JAKMIP1: variants seen among roughly 807,000 people sequenced by gnomAD.
JAKMIP1 encodes janus kinase and microtubule interacting protein 1, also known as janus kinase and microtubule-interacting protein 1.
Under a neutral mutation model 113.0 loss-of-function variants are expected in JAKMIP1, and 33 were observed. The ratio of observed to expected loss-of-function variants is 0.29; its 90% confidence interval spans 0.22 to 0.39. JAKMIP1 has a LOEUF of 0.39. Among genes scored for constraint, JAKMIP1 ranks in the 10% least tolerant of loss-of-function variants. JAKMIP1 has a pLI of 1.00. For missense variants in JAKMIP1, 813 were observed against 1,080.5 expected (o/e 0.75, Z 3.47); for synonymous variants, 480 against 459.9 (o/e 1.04, Z -0.56).
rs895363120 is a variant in JAKMIP1 at position 6,049,345 on chromosome 4, C to T, written c.1963-423G>A. Among the ~76,000 whole-genome samples the T allele has an allele frequency of 1.3e-5, 2 of 152,196 alleles. No individual in the cohort carries two copies. Among genetic ancestry groups the T allele is most frequent in the East Asian group, 1.9e-4 (1 of 5,200 alleles). Reference sequence around the variant, plus strand: ...GCCACCATGCCCCGCCAACACCAAGCGACTTTCCTAGCTTCTCTCTGAGCT... The same window carrying T: ...GCCACCATGCCCCGCCAACACCAAGTGACTTTCCTAGCTTCTCTCTGAGCT... On this transcript the variant is annotated intron_variant, in intron 15 of 20. Transcript: ENST00000409021. The surrounding 1 kb of genome is among the most constrained non-coding windows in gnomAD (Gnocchi z 7.0).
At chr4:6,144,268 G>GA (rs1179318720) in intron 1 of JAKMIP1, among the ~76,000 whole-genome samples, 1 of 152,176 alleles carries the variant, frequency 6.6e-6, no homozygotes, top group East Asian at 1.9e-4. Context: ...TAGATACGTA[G>GA]AAAAGCACAG....
At chr4:6,060,995 G>T (rs1257250460) in intron 10 of JAKMIP1, among the ~76,000 whole-genome samples, 1 of 152,210 alleles carries the variant, frequency 6.6e-6, no homozygotes, top group African/African-American at 2.4e-5. Flanking sequence ...CACCAAGAAA[G>T]TCATATAAAT....
chr4:6,057,499 A>G (rs6814350), intron 11 of JAKMIP1, among the ~76,000 whole-genome samples: 35,875 of 152,090 alleles, frequency 0.24, 6,819 homozygotes, highest in African/African-American at 0.53. Context: ...CATGGAATGC[A>G]CAGAAGAGGC....
intron 1 of JAKMIP1, among the ~76,000 whole-genome samples, chr4:6,163,815 C>A (rs1295842144): frequency 6.6e-6 from 1 of 152,150 alleles, no homozygotes; most frequent in Non-Finnish European, 1.5e-5. Flanking sequence ...TTGGAGTGGT[C>A]AGGGTAGAAG....
chr4:6,096,325 G>C (rs1711761732), intron 3 of JAKMIP1, among the ~76,000 whole-genome samples: 3 of 152,194 alleles, frequency 2.0e-5, no homozygotes. Flanking sequence ...TTTGTGAACT[G>C]TGTGTTCCCA....
intron 1 of JAKMIP1, among the ~76,000 whole-genome samples, chr4:6,169,988 CCACCACCACCACCACCACCACCCT>C (rs1248804960): frequency 2.2e-5 from 2 of 90,470 alleles, no homozygotes; most frequent in African/African-American, 4.9e-5. Flanking sequence ...ACTACCACCA[CCACCACCACCACCACCACCACCCT>C]CACCACCACC....
rs373173971 is a variant in JAKMIP1 at position 6,167,153 on chromosome 4, C to T, written c.-148+33100G>A. On this transcript the variant is annotated intron_variant, in intron 1 of 20. Coordinates refer to ENST00000409021, the MANE Select transcript of JAKMIP1 (RefSeq NM_001099433.2). This position sits in a 1 kb window ranked among gnomAD's most constrained non-coding sequence, Gnocchi z 5.3. The stretch of plus-strand genomic sequence containing the variant: ...TCGTCTTCCCCTAGACCTGCTCCTC[C>T]TTCCAGGGCCCTGCCTCCGCAAAGA... Among the ~76,000 whole-genome samples the T allele has an allele frequency of 4.6e-5, 7 of 152,172 alleles. No individual in the cohort carries two copies. The highest frequency in any genetic ancestry group is 1.7e-4 in the African/African-American group (7 of 41,438).
At chr4:6,032,667 CAAAACAAA>C (rs1253305472) in intron 19 of JAKMIP1, among the ~76,000 whole-genome samples, 2,840 of 49,734 alleles carry the variant, frequency 0.057, 33 homozygotes, top group Non-Finnish European at 0.089. Flanking sequence ...CAACACAAAA[CAAAACAAA>C]ACAAAACAAA....
At chr4:6,121,388 G>A (rs956738372) in intron 1 of JAKMIP1, among the ~76,000 whole-genome samples, 12 of 152,152 alleles carry the variant, frequency 7.9e-5, no homozygotes, top group African/African-American at 2.9e-4. Context: ...CCGGAACAAC[G>A]TGACTGTTTG....
At chr4:6,146,660 G>C (rs1228407922) in intron 1 of JAKMIP1, among the ~76,000 whole-genome samples, 1 of 152,192 alleles carries the variant, frequency 6.6e-6, no homozygotes, top group Non-Finnish European at 1.5e-5. Flanking sequence ...AACACTACTG[G>C]ACTGTACACT....
intron 4 of JAKMIP1, 150 bp from the exon 5 acceptor site, chr4:6,085,115 C>A: frequency 9.9e-7 from 1 of 1,012,818 alleles, no homozygotes; most frequent in Non-Finnish European, 1.4e-6. Flanking sequence ...GGGGAACACC[C>A]AAGCCCACTG....
At chr4:6,191,682 C>T (rs1285062269) in intron 1 of JAKMIP1, among the ~76,000 whole-genome samples, 1 of 152,198 alleles carries the variant, frequency 6.6e-6, no homozygotes, top group Non-Finnish European at 1.5e-5. Context: ...CCCTCTGGAG[C>T]TTACAGCTAC....
intron 1 of JAKMIP1, among the ~76,000 whole-genome samples, chr4:6,161,535 A>G (rs770977174): frequency 8.2e-5 from 12 of 146,932 alleles, no homozygotes; most frequent in Non-Finnish European, 1.4e-4. Context: ...CCAAAGAAGA[A>G]AGAAGGCAAA....
intron 3 of JAKMIP1, among the ~76,000 whole-genome samples, chr4:6,103,224 T>G (rs1168273044): frequency 6.6e-6 from 1 of 152,168 alleles, no homozygotes; most frequent in Non-Finnish European, 1.5e-5. Flanking sequence ...ATCATGAAGT[T>G]GAATTTTACC....
At chr4:6,066,321 C>T (rs1426041812) in intron 8 of JAKMIP1, among the ~76,000 whole-genome samples, 2 of 152,172 alleles carry the variant, frequency 1.3e-5, no homozygotes, top group African/African-American at 2.4e-5. Context: ...TGCAGGGACA[C>T]CCTTGTCACC....
chr4:6,102,438 C>T (rs1464103046), intron 3 of JAKMIP1, among the ~76,000 whole-genome samples: 1 of 152,114 alleles, frequency 6.6e-6, no homozygotes, highest in Non-Finnish European at 1.5e-5. Context: ...ATATGAGCTG[C>T]CTGCCTCTCT....
In JAKMIP1 at chr4:6,080,911, A is replaced by T. The variant is rs961589406; in HGVS notation, c.1102-599T>A. On this transcript the variant is annotated intron_variant, in intron 6 of 20. Coordinates refer to ENST00000409021, the MANE Select transcript of JAKMIP1 (RefSeq NM_001099433.2). This position sits in a 1 kb window ranked among gnomAD's most constrained non-coding sequence, Gnocchi z 6.0. ...GATGCGCAGGGCCTGGGGGTGGAAG[A>T]CGACATTTGAAATGAGCCTAGAAAC... 2.0e-5 allele frequency among the ~76,000 whole-genome samples: 3 copies of T among 151,600 alleles called. No homozygotes were observed. The highest frequency in any genetic ancestry group is 7.3e-5 in the African/African-American group (3 of 41,240).
intron 3 of JAKMIP1, among the ~76,000 whole-genome samples, chr4:6,095,092 G>T (rs372969449): frequency 2.2e-5 from 3 of 136,412 alleles, no homozygotes; most frequent in Admixed American, 7.5e-5. Flanking sequence ...GTGGGGGAGG[G>T]AGGAAGGGGA....
chr4:6,153,433 GT>G lies in JAKMIP1; in HGVS notation c.-147-40437del, dbSNP rs1315159064. 6.6e-6 allele frequency among the ~76,000 whole-genome samples: 1 copy of G among 152,224 alleles called. No homozygotes were observed. The highest frequency in any genetic ancestry group is 1.5e-5 in the Non-Finnish European group (1 of 68,036). ...GGCCCTCTCTAGGCTTCAATTTCAT[GT>G]TTTGAAAAATGAGCACTGGAGCCAA... On this transcript the variant is annotated intron_variant, in intron 1 of 20. Coordinates refer to ENST00000409021, the MANE Select transcript of JAKMIP1 (RefSeq NM_001099433.2). This position sits in a 1 kb window ranked among gnomAD's most constrained non-coding sequence, Gnocchi z 4.9.
Sources: allele counts gnomAD v4.1 joint callset (sites outside exome capture counted in the v4.1 genomes callset), GRCh38; gene constraint gnomAD v4.1.1; non-coding constraint Gnocchi (gnomAD v3.1); transcripts MANE v1.5; gene names NCBI Gene and HGNC (gene_info 2026-07-23, HGNC 2026-07-21).